ACSM2A: variants seen among roughly 807,000 people sequenced by gnomAD.
ACSM2A encodes acyl-CoA synthetase medium chain family member 2A.
Under a neutral mutation model 76.6 loss-of-function variants are expected in ACSM2A, and 72 were observed. The observed-to-expected ratio is 0.94, with a 90% CI of 0.78 to 1.14. The LOEUF is 1.14. Ranked by LOEUF, ACSM2A falls within the 50% of genes most tolerant of loss-of-function variation. The pLI is 0.00. For missense variants in ACSM2A, 684 were observed against 708.5 expected, an observed-to-expected ratio of 0.97 and a Z score of 0.39; for synonymous variants, 249 against 255.9, an observed-to-expected ratio of 0.97 and a Z score of 0.26.
intron 6 of ACSM2A, among the ~76,000 whole-genome samples, chr16:20,473,190 A>G (rs536548553): frequency 5.9e-5 from 9 of 152,322 alleles, no homozygotes; most frequent in East Asian, 3.9e-4. Context: ...CATAGATGAC[A>G]TCTTCAAAAG....
intron 12 of ACSM2A, chr16:20,481,384 G>C (rs2014072640): frequency 6.4e-6 from 1 of 155,966 alleles, no homozygotes; most frequent in Admixed American, 6.3e-5. Context: ...AATACTATTT[G>C]GTGTTAAAAA....
rs769377483 is a variant in ACSM2A at position 20,478,261 on chromosome 16, G to A, written c.1180-315G>A. ...AGTAAATTTGAGTTTTGATCTGCCC[G>A]ATTTCTAAGTCCACAGGTGAGGCAG... On this transcript the variant is annotated intron_variant, in intron 9 of 13. Transcript: ENST00000573854. 3.9e-5 allele frequency among the ~76,000 whole-genome samples: 6 copies of A among 152,282 alleles called. No individual in the cohort carries two copies. The East Asian group carries it at 5.8e-4, about 15-fold the overall frequency.
chr16:20,469,194 T>G (rs1489758105), intron 3 of ACSM2A, among the ~76,000 whole-genome samples: 2 of 148,468 alleles, frequency 1.3e-5, no homozygotes, highest in South Asian at 2.1e-4. Flanking sequence ...TACAGCAAAC[T>G]CCTGTAGAAA....
chr16:20,465,235 T>G (rs1204473929), intron 2 of ACSM2A, among the ~76,000 whole-genome samples: 1 of 152,150 alleles, frequency 6.6e-6, no homozygotes, highest in Non-Finnish European at 1.5e-5. Context: ...TTTATCATTA[T>G]AAAAAAATTA....
chr16:20,478,275 C>A (rs1339269523), intron 9 of ACSM2A, among the ~76,000 whole-genome samples: 2 of 152,178 alleles, frequency 1.3e-5, no homozygotes, highest in African/African-American at 4.8e-5. Context: ...TCTAAGTCCA[C>A]AGGTGAGGCA....
intron 2 of ACSM2A, among the ~76,000 whole-genome samples, chr16:20,463,159 C>T (rs907070361): frequency 2.6e-5 from 4 of 151,504 alleles, no homozygotes; most frequent in African/African-American, 7.3e-5. Flanking sequence ...TGCAGCACAC[C>T]AACATGGCAC....
In ACSM2A at chr16:20,466,837, T is replaced by A. The variant is rs149845662; in HGVS notation, c.388+1110T>A. ...TAATCTATAGGAGAAATTGGGGAGGTTACAAATCTTGTGACCTCTGGCTCC... is the reference window on the plus strand; with the variant it reads ...TAATCTATAGGAGAAATTGGGGAGGATACAAATCTTGTGACCTCTGGCTCC... On this transcript the variant is annotated intron_variant, in intron 3 of 13. Coordinates refer to ENST00000573854, the MANE Select transcript of ACSM2A (RefSeq NM_001308172.2). Among the ~76,000 whole-genome samples, 81 of 152,186 alleles carry A rather than the reference T, an allele frequency of 5.3e-4. No individual in the cohort carries two copies. The East Asian group carries it at 0.014, about 27-fold the overall frequency.
intron 13 of ACSM2A, among the ~76,000 whole-genome samples, chr16:20,485,159 A>G (rs1201768790): frequency 6.6e-6 from 1 of 152,168 alleles, no homozygotes; most frequent in Non-Finnish European, 1.5e-5. Context: ...AACATTTAAT[A>G]AGTATTTACA....
intron 1 of ACSM2A, among the ~76,000 whole-genome samples, chr16:20,454,962 A>G (rs1367328143): frequency 4.6e-5 from 7 of 151,890 alleles, no homozygotes; most frequent in Admixed American, 2.6e-4. Flanking sequence ...CATACATAAA[A>G]CAATCATAAC....
chr16:20,470,838 G>T (rs763475343), intron 4 of ACSM2A: 2 of 693,200 alleles, frequency 2.9e-6, no homozygotes, highest in Non-Finnish European at 5.2e-6. Context: ...ACACAGAGAC[G>T]TTAAATAAGT....
chr16:20,473,474 G>T (rs990832166), intron 6 of ACSM2A, among the ~76,000 whole-genome samples: 27 of 152,148 alleles, frequency 1.8e-4, no homozygotes, highest in African/African-American at 4.6e-4. Flanking sequence ...TTCTAGTAAG[G>T]CAAAGCAATA....
intron 12 of ACSM2A, 101 bp from the exon 13 acceptor site, chr16:20,482,957 G>T (rs533006922): frequency 8.4e-5 from 127 of 1,518,246 alleles, no homozygotes; most frequent in Middle Eastern, 2.0e-4. Context: ...TGCAAATGAG[G>T]AGATACAAGG....
chr16:20,486,145 A>G (rs935108492), intron 13 of ACSM2A, among the ~76,000 whole-genome samples: 1 of 152,232 alleles, frequency 6.6e-6, no homozygotes, highest in Non-Finnish European at 1.5e-5. Context: ...CCAGTAACTT[A>G]GCCTTCATAA....
chr16:20,466,663 T>C (rs2013017674), intron 3 of ACSM2A, among the ~76,000 whole-genome samples: 1 of 152,220 alleles, frequency 6.6e-6, no homozygotes, highest in African/African-American at 2.4e-5. Flanking sequence ...GCTGTCTTCT[T>C]GTGTTGAGTC....
rs956796328 is a variant in ACSM2A at position 20,469,561 on chromosome 16, G to T, written c.438G>T (p.Leu146=). 11 of 1,613,732 alleles carry T rather than the reference G, an allele frequency of 6.8e-6. No homozygotes were observed. Among genetic ancestry groups the T allele is most frequent in the Non-Finnish European group, 8.5e-6 (10 of 1,179,810 alleles). Residue 146 remains leucine (L), a synonymous_variant, in exon 4 of 14, where the codon CTG becomes CTT. Coordinates refer to ENST00000573854, the MANE Select transcript of ACSM2A (RefSeq NM_001308172.2). ...GTIQMKSTDI[L]YRLQMSKAKA... The stretch of plus-strand genomic sequence containing the variant: ...TCCAGATGAAATCCACTGACATACT[G>T]TATAGGTTGCAGATGTCTAAGGCCA...
In ACSM2A at chr16:20,460,126, G is replaced by A. The variant is rs76154648; in HGVS notation, c.12G>A (p.Leu4=). 3.6e-5 allele frequency: 58 copies of A among 1,611,006 alleles called. 1 individual carries two copies. The African/African-American group carries it at 6.8e-4, about 19-fold the overall frequency. The change falls in exon 2 of 14, where the codon CTG becomes CTA. Residue 4 remains leucine, a synonymous_variant. Transcript: ENST00000573854. ...TTACAGGCCTGAATATGCATTGGCT[G>A]CGAAAAGTTCAGGGACTTTGCACCC... MHW[L]RKVQGLCTLW...
intron 10 of ACSM2A, among the ~76,000 whole-genome samples, chr16:20,480,317 T>C (rs2014011192): frequency 6.6e-6 from 1 of 152,156 alleles, no homozygotes; most frequent in Non-Finnish European, 1.5e-5. Context: ...GATGAATGAA[T>C]ACATCAATAA....
chr16:20,476,788 C>G (rs2013761678), intron 8 of ACSM2A: 10 of 912,062 alleles, frequency 1.1e-5, no homozygotes, highest in Non-Finnish European at 1.3e-5. Flanking sequence ...GCATCCACCA[C>G]TCATTTGTTA....
At chr16:20,471,309 G>T in intron 5 of ACSM2A, 93 bp downstream of exon 5, 2 of 1,536,580 alleles carry the variant, frequency 1.3e-6, no homozygotes, top group Non-Finnish European at 8.8e-7. Flanking sequence ...CAGGTCAACC[G>T]GGGTCCCACC....
Sources: allele counts gnomAD v4.1 joint callset (sites outside exome capture counted in the v4.1 genomes callset), GRCh38; gene constraint gnomAD v4.1.1; transcripts MANE v1.5; gene names NCBI Gene and HGNC (gene_info 2026-07-23, HGNC 2026-07-21).